INSR: variants seen among roughly 807,000 people sequenced by gnomAD.
The protein encoded by INSR is insulin receptor, also known as IR.
Under a neutral mutation model 142.6 loss-of-function variants are expected in INSR, and 67 were observed. The ratio of observed to expected loss-of-function variants is 0.47; its 90% CI spans 0.39 to 0.58. The LOEUF (loss-of-function observed/expected upper bound fraction) is 0.58, where lower values mean the gene tolerates loss of function less well. Among genes scored for constraint, INSR ranks in the 20% least tolerant of loss-of-function variants. The pLI is 0.00. For synonymous variants in INSR, 756 were observed against 743.1 expected, an observed-to-expected ratio of 1.02 and a Z score of -0.28; for missense variants, 1,248 against 1,833.2, an observed-to-expected ratio of 0.68 and a Z score of 5.83.
rs1217138371 is a variant in INSR, at chr19:7,142,811, C to T, written c.2542+5G>A. 6.2e-7 allele frequency: 1 copy of T among 1,613,774 alleles called. No homozygotes were observed. Among genetic ancestry groups the T allele is most frequent in the African/African-American group, 1.3e-5 (1 of 74,910 alleles). Reference sequence around the variant, plus strand: ...GACACTCGGACCCCGGAGCAGCAGCCCTACCTTCAGGCATGGTCCTCGCAC... The same window carrying T: ...GACACTCGGACCCCGGAGCAGCAGCTCTACCTTCAGGCATGGTCCTCGCAC... On this transcript the variant is annotated splice_donor_5th_base_variant and intron_variant, in intron 12 of 21. Transcript: ENST00000302850.
chr19:7,249,793 C>T (rs181166938), intron 2 of INSR, among the ~76,000 whole-genome samples: 4 of 152,104 alleles, frequency 2.6e-5, no homozygotes, highest in Non-Finnish European at 5.9e-5. Context: ...GAGATCGAGA[C>T]CATCCTGGCT....
intron 1 of INSR, among the ~76,000 whole-genome samples, chr19:7,270,337 TCTCACACACACACA>T (rs1041962767): frequency 5.2e-5 from 5 of 95,662 alleles, no homozygotes; most frequent in Non-Finnish European, 6.3e-5. Flanking sequence ...TCTCTCTCTC[TCTCACACACACACA>T]CACACACACA....
chr19:7,267,856 C>A lies in INSR; in HGVS notation c.141G>T (p.Leu47Phe). Reference sequence around the variant, plus strand: ...TGACAGAGCAATTCTCCAGCTCATGCAACCTAGTGAGGTTGTTCCGGATAT... The same window carrying A: ...TGACAGAGCAATTCTCCAGCTCATGAAACCTAGTGAGGTTGTTCCGGATAT... ...GMDIRNNLTRLHELENCSVIE... is the reference protein window; with the variant it reads ...GMDIRNNLTRFHELENCSVIE... Residue 47 changes from leucine (L) to phenylalanine (F), a missense_variant, in exon 2 of 22, where the codon TTG becomes TTT. Leu to Phe is a conservative substitution (Grantham distance 22). Transcript: ENST00000302850. The surrounding 1 kb of genome is among the most constrained non-coding windows in gnomAD (Gnocchi z 6.3). 3 of 1,614,012 alleles carry A rather than the reference C, an allele frequency of 1.9e-6. No individual in the cohort carries two copies. Among genetic ancestry groups the A allele is most frequent in the Non-Finnish European group, 1.7e-6 (2 of 1,180,000 alleles).
intron 13 of INSR, among the ~76,000 whole-genome samples, chr19:7,135,798 G>A (rs1265682248): frequency 2.0e-5 from 3 of 151,764 alleles, no homozygotes; most frequent in African/African-American, 4.8e-5. Context: ...GTGAAACCTC[G>A]TCTCTACTAA....
intron 1 of INSR, among the ~76,000 whole-genome samples, chr19:7,287,616 A>G (rs1465810206): frequency 1.3e-5 from 2 of 152,172 alleles, no homozygotes; most frequent in Non-Finnish European, 2.9e-5. Flanking sequence ...ATAAATACAC[A>G]TGGCTAAGTA....
intron 2 of INSR, among the ~76,000 whole-genome samples, chr19:7,236,870 C>CA (rs1332150229): frequency 2.0e-5 from 3 of 151,194 alleles, no homozygotes; most frequent in Non-Finnish European, 3.0e-5. Context: ...ACTAAAAATA[C>CA]AAAAAAATTA....
chr19:7,293,530 C>T (rs923581105), intron 1 of INSR, among the ~76,000 whole-genome samples: 1 of 152,178 alleles, frequency 6.6e-6, no homozygotes, highest in Non-Finnish European at 1.5e-5. Flanking sequence ...CAGAGAGGAG[C>T]CCGCGGCGGG....
intron 14 of INSR, among the ~76,000 whole-genome samples, chr19:7,130,539 A>G (rs1031783947): frequency 2.0e-5 from 3 of 152,286 alleles, no homozygotes; most frequent in Admixed American, 6.5e-5. Context: ...TGGGTACTGT[A>G]TAATAAGTGG....
intron 13 of INSR, among the ~76,000 whole-genome samples, chr19:7,137,595 C>T (rs965982988): frequency 6.6e-6 from 1 of 152,004 alleles, no homozygotes; most frequent in African/African-American, 2.4e-5. Context: ...CGAGACCAGC[C>T]AGGCCAACAT....
At chr19:7,127,339 T>G (rs567922316) in intron 15 of INSR, among the ~76,000 whole-genome samples, 1 of 152,176 alleles carries the variant, frequency 6.6e-6, no homozygotes, top group Non-Finnish European at 1.5e-5. Context: ...AGTTGTTAAA[T>G]ACAAGCATCA....
intron 2 of INSR, among the ~76,000 whole-genome samples, chr19:7,217,839 G>A (rs1200186946): frequency 1.3e-5 from 2 of 152,246 alleles, no homozygotes; most frequent in Non-Finnish European, 2.9e-5. Flanking sequence ...GATTACAGGC[G>A]TAAGCCACCG....
At chr19:7,237,414 G>A (rs913243442) in intron 2 of INSR, among the ~76,000 whole-genome samples, 7 of 152,110 alleles carry the variant, frequency 4.6e-5, no homozygotes, top group Non-Finnish European at 8.8e-5. Flanking sequence ...CTACTCAGGA[G>A]GCTGAGGCAG....
intron 2 of INSR, among the ~76,000 whole-genome samples, chr19:7,256,663 C>T (rs1441521992): frequency 2.0e-5 from 3 of 146,814 alleles, no homozygotes; most frequent in African/African-American, 5.1e-5. Flanking sequence ...ACTCAGGAGG[C>T]GGAAGTAAGC....
chr19:7,124,350 C>T (rs1972569729), intron 17 of INSR, among the ~76,000 whole-genome samples: 1 of 127,314 alleles, frequency 7.9e-6, no homozygotes, highest in East Asian at 2.3e-4. Flanking sequence ...GCCTGGGTGA[C>T]AGAGTGAGAC....
At position 7,132,311 on chromosome 19, in the gene INSR, G is replaced by A; in HGVS notation, c.2689C>T (p.His897Tyr). 1 of 1,613,976 alleles carries A rather than the reference G, an allele frequency of 6.2e-7. No individual in the cohort carries two copies. Residue 897 changes from histidine to tyrosine, a missense_variant, in exon 14 of 22, where the codon CAT becomes TAT. His to Tyr is a moderately conservative substitution (Grantham distance 83). This residue lies in a region of INSR where 1,069 missense variants were observed against 1,654.0 expected (regional missense o/e 0.65). Coordinates refer to ENST00000302850, the MANE Select transcript of INSR (RefSeq NM_000208.4). The part of the protein sequence containing the change: ...SYRRYGDEEL[H>Y]LCVSRKHFAL... ...AAGTGCTTGCGGGAGACGCAGAGATGCAGCTCCTGGGAGGAAGAGAGGAGG... is the reference window on the plus strand; with the variant it reads ...AAGTGCTTGCGGGAGACGCAGAGATACAGCTCCTGGGAGGAAGAGAGGAGG...
chr19:7,265,001 C>T (rs534626962), intron 2 of INSR, among the ~76,000 whole-genome samples: 3 of 152,312 alleles, frequency 2.0e-5, no homozygotes, highest in Admixed American at 1.3e-4. Flanking sequence ...TTCCCCAGAG[C>T]GTTGGGCTCA....
intron 2 of INSR, among the ~76,000 whole-genome samples, chr19:7,199,949 G>A (rs982902160): frequency 6.6e-5 from 10 of 152,208 alleles, no homozygotes; most frequent in Non-Finnish European, 1.0e-4. Context: ...ACGGAGGGGC[G>A]GGGATTAGGT....
rs1974624801 is a variant in INSR, at chr19:7,192,302, GAAAAGAAAA to G, written c.653-7674_653-7666del. The stretch of plus-strand genomic sequence containing the variant: ...GAAAAGAAAAGAAAAGAAAAGAAAA[GAAAAGAAAA>G]AAATCACAGGCAGCCCAGGCTGGGG... On this transcript the variant is annotated intron_variant, in intron 2 of 21. Coordinates refer to ENST00000302850, the MANE Select transcript of INSR (RefSeq NM_000208.4). This position sits in a 1 kb window ranked among gnomAD's most constrained non-coding sequence, Gnocchi z 4.2. 9.3e-6 allele frequency among the ~76,000 whole-genome samples: 1 copy of G among 107,972 alleles called. No homozygotes were observed. The highest frequency in any genetic ancestry group is 3.6e-5 in the African/African-American group (1 of 27,996). 70.8% of individuals were successfully genotyped at this position (107,972 alleles called of 152,430 possible).
In INSR at chr19:7,125,347, A is replaced by C. The variant is rs1234618927; in HGVS notation, c.3194T>G (p.Leu1065Arg). The C allele has an allele frequency of 1.2e-6, 2 of 1,614,046 alleles. No homozygotes were observed. ...ATTGAGGAACTCAATCCGCTCTCGG[A>C]GACTGGCTGACTCGTTGACCGTCTT... ...AVKTVNESAS[L>R]RERIEFLNEA... is the part of the protein sequence containing the mutation. The change falls in exon 17 of 22, where the codon CTC becomes CGC. Residue 1065 changes from leucine to arginine, a missense_variant. Physicochemically the swap from Leu to Arg is moderately radical, Grantham distance 102. This residue lies in a region of INSR where 1,069 missense variants were observed against 1,654.0 expected (regional missense o/e 0.65). Transcript: ENST00000302850. This position sits in a 1 kb window ranked among gnomAD's most constrained non-coding sequence, Gnocchi z 4.9.
Sources: allele counts gnomAD v4.1 joint callset (sites outside exome capture counted in the v4.1 genomes callset), GRCh38; gene constraint gnomAD v4.1.1; regional missense constraint gnomAD v4.1.1; non-coding constraint Gnocchi (gnomAD v3.1); transcripts MANE v1.5; gene names NCBI Gene and HGNC (gene_info 2026-07-23, HGNC 2026-07-21).